FAR2: variants seen among roughly 807,000 people sequenced by gnomAD.
FAR2 encodes epididymis secretory protein Li 81.
A neutral mutation model predicts 56.0 loss-of-function variants in FAR2; 19 were observed. That is an observed-to-expected ratio of 0.34 (90% confidence interval 0.24 to 0.50). The LOEUF is 0.50. FAR2 is among the 20% of genes least tolerant of loss of function. FAR2 has a pLI of 0.98. For missense variants in FAR2, 508 were observed against 642.2 expected, an observed-to-expected ratio of 0.79 and a Z score of 2.26; for synonymous variants, 219 against 218.8, an observed-to-expected ratio of 1.00 and a Z score of -0.01.
chr12:29,241,029 C>A (rs1353626661), intron 1 of FAR2, among the ~76,000 whole-genome samples: 2 of 152,144 alleles, frequency 1.3e-5, no homozygotes, highest in Non-Finnish European at 2.9e-5. Context: ...TGGTCTCGAA[C>A]TTCTGACCTC....
intron 1 of FAR2, among the ~76,000 whole-genome samples, chr12:29,183,087 C>T (rs747175800): frequency 1.3e-5 from 2 of 152,090 alleles, no homozygotes; most frequent in South Asian, 2.1e-4. Context: ...GCATTCCAGT[C>T]CTCATTAAAG....
chr12:29,315,866 C>T (rs1195594400), intron 8 of FAR2, among the ~76,000 whole-genome samples: 1 of 152,102 alleles, frequency 6.6e-6, no homozygotes, highest in Non-Finnish European at 1.5e-5. Context: ...ATGTGAATGT[C>T]TATTACACAT....
intron 1 of FAR2, among the ~76,000 whole-genome samples, chr12:29,248,708 A>G (rs1948165318): frequency 6.6e-6 from 1 of 152,200 alleles, no homozygotes; most frequent in Non-Finnish European, 1.5e-5. Context: ...GCCTGGGAGC[A>G]CTATGGGAGA....
chr12:29,185,063 T>C (rs1950027557), intron 1 of FAR2, among the ~76,000 whole-genome samples: 1 of 152,184 alleles, frequency 6.6e-6, no homozygotes, highest in African/African-American at 2.4e-5. Flanking sequence ...AATTAGAAAA[T>C]GTATATGATA....
intron 2 of FAR2, among the ~76,000 whole-genome samples, chr12:29,290,623 G>A (rs1948949815): frequency 6.6e-6 from 1 of 152,130 alleles, no homozygotes; most frequent in Non-Finnish European, 1.5e-5. Flanking sequence ...TAGATGAATG[G>A]ATAAAGAAAA....
intron 4 of FAR2, among the ~76,000 whole-genome samples, chr12:29,297,735 A>G (rs1591942700): frequency 6.6e-6 from 1 of 152,156 alleles, no homozygotes; most frequent in East Asian, 1.9e-4. Context: ...AACAGCACTT[A>G]ATCAAATAAT....
chr12:29,324,159 C>T (rs978831122), intron 10 of FAR2, among the ~76,000 whole-genome samples: 19 of 151,670 alleles, frequency 1.3e-4, no homozygotes, highest in East Asian at 3.9e-4. Context: ...CGATGGAAGA[C>T]GAAATGAATG....
intron 1 of FAR2, among the ~76,000 whole-genome samples, chr12:29,166,834 C>A (rs1949834773): frequency 6.6e-6 from 1 of 152,184 alleles, no homozygotes; most frequent in South Asian, 2.1e-4. Flanking sequence ...CTTTCTCCCC[C>A]TATAGCTATG....
chr12:29,267,065 A>G (rs1948528939), intron 1 of FAR2, among the ~76,000 whole-genome samples: 1 of 152,196 alleles, frequency 6.6e-6, no homozygotes, highest in African/African-American at 2.4e-5. Flanking sequence ...CTATTAAAGA[A>G]GTAGGGTACC....
intron 8 of FAR2, among the ~76,000 whole-genome samples, chr12:29,313,715 AT>A (rs1015460037): frequency 6.6e-6 from 1 of 152,010 alleles, no homozygotes; most frequent in Non-Finnish European, 1.5e-5. Context: ...CATTACATCA[AT>A]TTTTTTGTCC....
At chr12:29,287,386 C>T (rs1281842645) in intron 2 of FAR2, among the ~76,000 whole-genome samples, 1 of 152,182 alleles carries the variant, frequency 6.6e-6, no homozygotes, top group Non-Finnish European at 1.5e-5. Context: ...ACAATTTTAA[C>T]ATTTTGTGAA....
intron 1 of FAR2, among the ~76,000 whole-genome samples, chr12:29,200,015 T>C (rs1947386122): frequency 6.6e-6 from 1 of 152,120 alleles, no homozygotes; most frequent in African/African-American, 2.4e-5. Context: ...TGATAATATA[T>C]CGATTTAAGA....
At chr12:29,157,649 T>G (rs1322706433) in intron 1 of FAR2, among the ~76,000 whole-genome samples, 2 of 152,156 alleles carry the variant, frequency 1.3e-5, no homozygotes, top group African/African-American at 4.8e-5. Flanking sequence ...GAAATAGTTA[T>G]AAAAACACCC....
intron 1 of FAR2, among the ~76,000 whole-genome samples, chr12:29,193,070 C>A (rs771010981): frequency 6.6e-6 from 1 of 152,050 alleles, no homozygotes; most frequent in African/African-American, 2.4e-5. Flanking sequence ...CTTGAAATAC[C>A]ATTTTTTTAA....
In FAR2 at chr12:29,164,969, C is replaced by T. The variant is rs536517620; in HGVS notation, c.-39+15562C>T. 7.2e-5 allele frequency among the ~76,000 whole-genome samples: 11 copies of T among 152,254 alleles called. No homozygotes were observed. In the South Asian group the frequency reaches 1.0e-3, roughly 14 times the overall value. On this transcript the variant is annotated intron_variant, in intron 1 of 11. Transcript: ENST00000536681. The stretch of plus-strand genomic sequence containing the variant: ...TTGCCTGGTGTCATAAACAGATTAA[C>T]GATGACTCATACTGTTGGTTTATAA...
chr12:29,159,074 T>G (rs1009891000), intron 1 of FAR2, among the ~76,000 whole-genome samples: 16 of 152,234 alleles, frequency 1.1e-4, no homozygotes, highest in African/African-American at 3.9e-4. Context: ...CCCTACTCTT[T>G]GAGCAATATT....
chr12:29,296,462 G>T (rs2136757512), intron 3 of FAR2, among the ~76,000 whole-genome samples: 1 of 152,184 alleles, frequency 6.6e-6, no homozygotes, highest in Non-Finnish European at 1.5e-5. Flanking sequence ...AAGTTTCCTG[G>T]TATTTGATAA....
intron 1 of FAR2, among the ~76,000 whole-genome samples, chr12:29,250,238 G>A (rs575485025): frequency 1.3e-5 from 2 of 152,242 alleles, no homozygotes; most frequent in East Asian, 1.9e-4. Flanking sequence ...ATAACCACTA[G>A]GTAGTTAGAT....
rs557963529 is a variant in FAR2 at position 29,313,746 on chromosome 12, T to C, written c.955+1796T>C. The stretch of plus-strand genomic sequence containing the variant: ...TTGTCCTAAACTGTATTTATAATTA[T>C]GTTTCTCTTTTAATTCATAATAGTT... On this transcript the variant is annotated intron_variant, in intron 8 of 11. Coordinates refer to ENST00000536681, the MANE Select transcript of FAR2 (RefSeq NM_001271783.2). Among the ~76,000 whole-genome samples, 175 of 152,300 alleles carry C rather than the reference T, an allele frequency of 1.1e-3. 1 individual carries two copies. The highest frequency in any genetic ancestry group is 4.1e-3 in the African/African-American group (172 of 41,582).
Sources: gnomAD v4.1 joint callset for allele counts (sites outside exome capture counted in the v4.1 genomes callset) on GRCh38, gnomAD v4.1.1 for gene constraint, MANE v1.5 for transcripts, NCBI Gene and HGNC (gene_info 2026-07-23, HGNC 2026-07-21) for gene names.